Variants in GRID2 observed in about 807,000 individuals in gnomAD.
GRID2 encodes the protein glutamate ionotropic receptor delta type subunit 2.
Under a neutral mutation model 114.8 loss-of-function variants are expected in GRID2, and 33 were observed. The observed-to-expected ratio is 0.29, with a 90% CI of 0.22 to 0.38. The LOEUF (loss-of-function observed/expected upper bound fraction) is 0.38, where lower values mean the gene tolerates loss of function less well. GRID2 is among the 10% of genes least tolerant of loss of function. The pLI is 1.00. For missense variants in GRID2, 1,184 were observed against 1,257.7 expected (o/e 0.94, Z 0.89); for synonymous variants, 505 against 449.9 (o/e 1.12, Z -1.55).
chr4:93,253,695 G>A (rs917863859), intron 8 of GRID2, among the ~76,000 whole-genome samples: 1 of 152,062 alleles, frequency 6.6e-6, no homozygotes, highest in Non-Finnish European at 1.5e-5. Flanking sequence ...AAGAGCATAA[G>A]TGAACACACA....
chr4:92,715,180 CA>C (rs1238122573), intron 2 of GRID2, among the ~76,000 whole-genome samples: 5 of 152,156 alleles, frequency 3.3e-5, no homozygotes, highest in African/African-American at 9.7e-5. Flanking sequence ...ATTTCTAGGA[CA>C]GGGGCAAAAT....
At chr4:92,745,485 A>C (rs912294157) in intron 2 of GRID2, among the ~76,000 whole-genome samples, 5 of 152,180 alleles carry the variant, frequency 3.3e-5, no homozygotes, top group Non-Finnish European at 7.4e-5. Flanking sequence ...TACTTACTAA[A>C]TATTAGGGAG....
chr4:92,661,877 T>C lies in GRID2; in HGVS notation c.244+71591T>C, dbSNP rs76386712. Among the ~76,000 whole-genome samples the C allele has an allele frequency of 7.5e-3, 1,132 of 151,210 alleles. 18 individuals are homozygous for C. The highest frequency in any genetic ancestry group is 0.066 in the South Asian group (318 of 4,820). Reference sequence around the variant, plus strand: ...ATGTCCAAGGGTAAATGCATATTTCTAATTCTTTATAGCTTTAGTCAATGA... The same window carrying C: ...ATGTCCAAGGGTAAATGCATATTTCCAATTCTTTATAGCTTTAGTCAATGA... On this transcript the variant is annotated intron_variant, in intron 2 of 15. Coordinates refer to ENST00000282020, the MANE Select transcript of GRID2 (RefSeq NM_001510.4).
At chr4:93,072,424 T>C (rs1262103204) in intron 2 of GRID2, among the ~76,000 whole-genome samples, 1 of 152,058 alleles carries the variant, frequency 6.6e-6, no homozygotes, top group Admixed American at 6.6e-5. Flanking sequence ...ACAAGGGGAG[T>C]TTGTACTTAT....
At chr4:93,698,838 G>A (rs1431711650) in intron 14 of GRID2, among the ~76,000 whole-genome samples, 1 of 152,036 alleles carries the variant, frequency 6.6e-6, no homozygotes, top group Admixed American at 6.6e-5. Flanking sequence ...TAGGTTAAAA[G>A]CAAATATTTT....
intron 13 of GRID2, among the ~76,000 whole-genome samples, chr4:93,599,671 C>A (rs186983754): frequency 6.6e-6 from 1 of 152,106 alleles, no homozygotes; most frequent in African/African-American, 2.4e-5. Context: ...ACCAAACTAA[C>A]CCTTTCACAA....
At chr4:93,126,795 C>T (rs898119808) in intron 4 of GRID2, among the ~76,000 whole-genome samples, 4 of 151,292 alleles carry the variant, frequency 2.6e-5, no homozygotes, top group Non-Finnish European at 4.4e-5. Flanking sequence ...GACGGGGTTT[C>T]ACCGTGTTAG....
At chr4:92,848,966 T>C (rs1743552214) in intron 2 of GRID2, among the ~76,000 whole-genome samples, 1 of 151,948 alleles carries the variant, frequency 6.6e-6, no homozygotes, top group South Asian at 2.1e-4. Context: ...TTTGTATTTT[T>C]AGCCTCCAAA....
At chr4:93,116,225 T>C (rs527549547) in intron 4 of GRID2, among the ~76,000 whole-genome samples, 155 of 152,278 alleles carry the variant, frequency 1.0e-3, no homozygotes, top group Non-Finnish European at 1.2e-3. Context: ...TAAAAGTTCG[T>C]TCACTATTTT....
At chr4:93,492,622 G>A (rs1422512347) in intron 12 of GRID2, among the ~76,000 whole-genome samples, 1 of 151,860 alleles carries the variant, frequency 6.6e-6, no homozygotes, top group Non-Finnish European at 1.5e-5. Flanking sequence ...TTATAGGCAT[G>A]TAGGCATATA....
Position 93,774,471 on chromosome 4 carries a change from C to T in GRID2, c.*1973C>T, listed in dbSNP as rs1734309562. On this transcript the variant is annotated 3_prime_UTR_variant, in exon 16 of 16. Transcript: ENST00000282020. Reference sequence around the variant, plus strand: ...TCGCCTATTATACAAACACACAAAACATTTTTGGAGGCCTCAGTTATGAGT... The same window carrying T: ...TCGCCTATTATACAAACACACAAAATATTTTTGGAGGCCTCAGTTATGAGT... 1 of 152,038 alleles carries T rather than the reference C, an allele frequency of 6.6e-6. No individual in the cohort carries two copies. Among genetic ancestry groups the T allele is most frequent in the East Asian group, 1.9e-4 (1 of 5,192 alleles). The allele number at this position is 152,038 out of a possible 1,614,324, so 9.4% of individuals were successfully genotyped here.
At chr4:93,162,517 G>A (rs1301093862) in intron 4 of GRID2, among the ~76,000 whole-genome samples, 1 of 151,854 alleles carries the variant, frequency 6.6e-6, no homozygotes, top group African/African-American at 2.4e-5. Context: ...CTTTATATCA[G>A]TGTGTGTTTG....
chr4:92,608,015 A>G (rs940378719), intron 2 of GRID2, among the ~76,000 whole-genome samples: 2 of 151,874 alleles, frequency 1.3e-5, no homozygotes, highest in African/African-American at 4.8e-5. Context: ...ATGAAAGGGA[A>G]AAGTAGTAAG....
chr4:92,339,058 G>C (rs1727339304), intron 1 of GRID2, among the ~76,000 whole-genome samples: 1 of 152,012 alleles, frequency 6.6e-6, no homozygotes, highest in African/African-American at 2.4e-5. Context: ...CATTATTGGA[G>C]ATTTATACCT....
At chr4:92,891,825 C>G (rs1351827113) in intron 2 of GRID2, among the ~76,000 whole-genome samples, 1 of 152,132 alleles carries the variant, frequency 6.6e-6, no homozygotes, top group African/African-American at 2.4e-5. Flanking sequence ...TAATGATTTT[C>G]AGTCTCTGAT....
chr4:92,304,682 T>G lies in GRID2; in HGVS notation c.26T>G (p.Val9Gly). 6.2e-7 allele frequency: 1 copy of G among 1,613,270 alleles called. No individual in the cohort carries two copies. ...ATGGAAGTTTTCCCCTTTCTCTTGG[T>G]TTTGTCCGTCTGGTGGTCTCGAACC... is the stretch of plus-strand genomic sequence containing the variant. MEVFPFLL[V>G]LSVWWSRTWD... The change falls in exon 1 of 16, where the codon GTT becomes GGT. Residue 9 changes from valine to glycine, a missense_variant. This residue lies in a region of GRID2 where 455 missense variants were observed against 429.5 expected (regional missense o/e 1.06). Transcript: ENST00000282020.
chr4:93,036,631 C>T (rs1724961835), intron 2 of GRID2, among the ~76,000 whole-genome samples: 1 of 152,028 alleles, frequency 6.6e-6, no homozygotes, highest in South Asian at 2.1e-4. Context: ...GAAAACACAG[C>T]AAAGCTTTTA....
intron 9 of GRID2, among the ~76,000 whole-genome samples, chr4:93,402,775 TATCTC>T (rs1267561594): frequency 3.3e-5 from 5 of 152,116 alleles, no homozygotes; most frequent in African/African-American, 1.2e-4. Flanking sequence ...TCAATTATAT[TATCTC>T]ATATAAACTG....
At position 92,685,463 on chromosome 4, in the gene GRID2, A is replaced by G. The variant is rs143945646; in HGVS notation, c.244+95177A>G. 3.8e-4 allele frequency among the ~76,000 whole-genome samples: 58 copies of G among 152,250 alleles called. 1 individual carries two copies. Among genetic ancestry groups the G allele is most frequent in the Middle Eastern group, 3.4e-3 (1 of 294 alleles). On this transcript the variant is annotated intron_variant, in intron 2 of 15. Transcript: ENST00000282020. ...CCTGACAGATGAGTGAGAACTCATC[A>G]GGAAAAAGGGAAGTGGCATATTACA...
Sources: gnomAD v4.1 joint callset for allele counts (sites outside exome capture counted in the v4.1 genomes callset) on GRCh38, gnomAD v4.1.1 for gene constraint, gnomAD v4.1.1 regional missense constraint, MANE v1.5 for transcripts, NCBI Gene and HGNC (gene_info 2026-07-23, HGNC 2026-07-21) for gene names.